The following UFSP2 variants were observed in gnomAD, a reference collection of about 807,000 sequenced individuals.
UFSP2 encodes UFM1 specific peptidase 2, also known as ufm1-specific protease 2.
A neutral mutation model predicts 60.2 loss-of-function variants in UFSP2; 43 were observed. The observed-to-expected ratio is 0.71, with a 90% CI of 0.56 to 0.92. The LOEUF is 0.92. UFSP2 is among the 40% of genes least tolerant of loss of function. The pLI is 0.00. For synonymous variants in UFSP2, 183 were observed against 195.1 expected, an observed-to-expected ratio of 0.94 and a Z score of 0.52; for missense variants, 520 against 575.0, an observed-to-expected ratio of 0.90 and a Z score of 0.98.
chr4:185,407,023 T>C (rs1349346417), intron 9 of UFSP2, among the ~76,000 whole-genome samples: 17 of 149,466 alleles, frequency 1.1e-4, no homozygotes, highest in Admixed American at 4.6e-4. Context: ...TTTTCTTTTT[T>C]TTTTTTTTTT....
chr4:185,400,088 G>T lies in UFSP2; in HGVS notation c.*304C>A. 7.1e-7 allele frequency: 1 copy of T among 1,400,078 alleles called. No individual in the cohort carries two copies. Among genetic ancestry groups the T allele is most frequent in the Non-Finnish European group, 9.9e-7 (1 of 1,007,896 alleles). The allele number at this position is 1,400,078 out of a possible 1,614,324, so 86.7% of individuals were successfully genotyped here. On this transcript the variant is annotated 3_prime_UTR_variant, in exon 12 of 12. Transcript: ENST00000264689. ...GCAAATCTATAAGCTCCTGCTTTTGGCTTTACCATATGTTGTGTCTAATCT... is the reference window on the plus strand; with the variant it reads ...GCAAATCTATAAGCTCCTGCTTTTGTCTTTACCATATGTTGTGTCTAATCT...
At chr4:185,402,540 A>T (rs1352926894) in intron 11 of UFSP2, among the ~76,000 whole-genome samples, 1 of 152,162 alleles carries the variant, frequency 6.6e-6, no homozygotes, top group Admixed American at 6.5e-5. Context: ...CAATGGCGCC[A>T]TCTCAGCTCA....
intron 11 of UFSP2, among the ~76,000 whole-genome samples, chr4:185,401,587 A>C (rs574718294): frequency 6.6e-6 from 1 of 152,314 alleles, no homozygotes; most frequent in South Asian, 2.1e-4. Context: ...GGAAAGCACC[A>C]CAAGAAGGCA....
intron 9 of UFSP2, 135 bp downstream of exon 9, chr4:185,407,800 TA>T (rs1180394644): frequency 5.3e-6 from 5 of 948,978 alleles, no homozygotes; most frequent in African/African-American, 3.4e-5. Flanking sequence ...ATGAGATTTA[TA>T]AAGCAATGAG....
intron 4 of UFSP2, 135 bp from the exon 5 acceptor site, chr4:185,416,002 G>C: frequency 1.6e-6 from 1 of 641,352 alleles, no homozygotes; most frequent in Middle Eastern, 4.4e-4. Flanking sequence ...GTAGTGAAAA[G>C]GGGGAAAGAG....
chr4:185,408,574 A>G (rs924818779), intron 7 of UFSP2, 139 bp from the exon 8 acceptor site: 4 of 874,516 alleles, frequency 4.6e-6, no homozygotes, highest in African/African-American at 1.7e-5. Context: ...TCACAGATCT[A>G]TGGTTTAACA....
rs1402397548 is a variant in UFSP2 at position 185,422,474 on chromosome 4, A to G, written c.82+11T>C. 1.3e-6 allele frequency: 2 copies of G among 1,596,802 alleles called. No individual in the cohort carries two copies. Among genetic ancestry groups the G allele is most frequent in the Non-Finnish European group, 1.7e-6 (2 of 1,173,108 alleles). On this transcript the variant is annotated intron_variant, in intron 2 of 11. Transcript: ENST00000264689. ...ATTTTCTAATAAAAAAGAATTTTTC[A>G]GAAGACCTACCATTAGGAGTAGCTA...
At chr4:185,411,419 T>A (rs755895060) in intron 7 of UFSP2, among the ~76,000 whole-genome samples, 19 of 152,044 alleles carry the variant, frequency 1.2e-4, no homozygotes, top group Non-Finnish European at 2.4e-4. Context: ...TAAACCAGTA[T>A]ATCACTAATA....
chr4:185,415,083 A>C (rs975660219), intron 6 of UFSP2, 72 bp downstream of exon 6: 6 of 1,281,556 alleles, frequency 4.7e-6, no homozygotes, highest in African/African-American at 1.6e-5. Flanking sequence ...CATTTAGTGG[A>C]AATATATAAT....
intron 7 of UFSP2, among the ~76,000 whole-genome samples, chr4:185,411,087 A>G (rs1192991039): frequency 6.6e-6 from 1 of 151,768 alleles, no homozygotes; most frequent in Non-Finnish European, 1.5e-5. Context: ...CAAATACAGA[A>G]GTTATAATAG....
chr4:185,408,227 T>C, intron 8 of UFSP2, 44 bp downstream of exon 8: 4 of 1,596,114 alleles, frequency 2.5e-6, no homozygotes, highest in Non-Finnish European at 3.4e-6. Flanking sequence ...TAAGGGCTAA[T>C]GAAACATACA....
At chr4:185,425,309 T>C (rs2095557530) in intron 1 of UFSP2, among the ~76,000 whole-genome samples, 1 of 152,026 alleles carries the variant, frequency 6.6e-6, no homozygotes, top group African/African-American at 2.4e-5. Flanking sequence ...CTTGCTGAGC[T>C]TGAAATACAT....
intron 8 of UFSP2, 86 bp from the exon 9 acceptor site, chr4:185,408,146 C>A (rs1045644125): frequency 1.3e-6 from 2 of 1,546,388 alleles, no homozygotes; most frequent in Non-Finnish European, 1.8e-6. Flanking sequence ...ATTACCAGTA[C>A]AAGAATTTTT....
intron 10 of UFSP2, among the ~76,000 whole-genome samples, chr4:185,405,053 C>T (rs191476072): frequency 1.0e-3 from 155 of 147,732 alleles, no homozygotes; most frequent in Non-Finnish European, 1.9e-3. Context: ...GTAACCCAGG[C>T]TGGAGAGCAG....
chr4:185,400,386 G>A lies in UFSP2; in HGVS notation c.*6C>T, dbSNP rs775222320. On this transcript the variant is annotated 3_prime_UTR_variant, in exon 12 of 12. Transcript: ENST00000264689. ...ACTCTACTGCAGTCTTTGACTCCAA[G>A]ATATTTTAAATCATATTTGGTCGCT... The A allele has an allele frequency of 3.7e-6, 6 of 1,606,866 alleles. No individual in the cohort carries two copies. Among genetic ancestry groups the A allele is most frequent in the South Asian group, 1.1e-5 (1 of 90,212 alleles).
Position 185,403,521 on chromosome 4 carries a change from A to G in UFSP2, c.1296T>C (p.Ala432=), listed in dbSNP as rs61730755. ...FLILDPHYTG[A]EDLQVILEKG... ...TTTCCAAAATAACTTGCAGGTCTTC[A>G]GCACCGGTATAATGTGGATCTAGAA... Residue 432 remains alanine (A), a synonymous_variant, in exon 11 of 12, where the codon GCT becomes GCC. Transcript: ENST00000264689. The G allele has an allele frequency of 1.5e-3, 2,442 of 1,613,996 alleles. 33 individuals are homozygous for G. The African/African-American group carries it at 0.029, about 19-fold the overall frequency.
At position 185,400,490 on chromosome 4, in the gene UFSP2, A is replaced by AGAC. The variant is rs781063894; in HGVS notation, c.1324-15_1324-13dup. 1 of 1,599,942 alleles carries AGAC rather than the reference A, an allele frequency of 6.3e-7. No individual in the cohort carries two copies. The highest frequency in any genetic ancestry group is 1.1e-5 in the South Asian group (1 of 89,404). On this transcript the variant is annotated splice_polypyrimidine_tract_variant and intron_variant, in intron 11 of 11. Coordinates refer to ENST00000264689, the MANE Select transcript of UFSP2 (RefSeq NM_018359.5). ...CATCCGCACCAGCCCTGGATAGAGA[A>AGAC]GACGGGAAAGGAAAGCCTTTTACAA... is the stretch of plus-strand genomic sequence containing the variant.
chr4:185,419,781 T>C (rs2095546104), intron 2 of UFSP2, among the ~76,000 whole-genome samples: 1 of 152,262 alleles, frequency 6.6e-6, no homozygotes, highest in South Asian at 2.1e-4. Flanking sequence ...TAATATTCCA[T>C]TGTGTGGATA....
At position 185,408,053 on chromosome 4, in the gene UFSP2, A is replaced by G; in HGVS notation, c.1004T>C (p.Val335Ala). 6.2e-7 allele frequency: 1 copy of G among 1,613,846 alleles called. No homozygotes were observed. Among genetic ancestry groups the G allele is most frequent in the Non-Finnish European group, 8.5e-7 (1 of 1,179,730 alleles). Reference sequence around the variant, plus strand: ...TGTTGCTGGTTTGTCCCCGGCATCGACTAGAGCCTTGATGTATTTAAAAAT... The same window carrying G: ...TGTTGCTGGTTTGTCCCCGGCATCGGCTAGAGCCTTGATGTATTTAAAAAT... ...PTHREIQQAL[V>A]DAGDKPATFV... The change falls in exon 9 of 12, where the codon GTC (valine) becomes GCC (alanine). Residue 335 changes from valine (V) to alanine (A), a missense_variant. Val to Ala is a moderately conservative substitution (Grantham distance 64). Coordinates refer to ENST00000264689, the MANE Select transcript of UFSP2 (RefSeq NM_018359.5).
Sources: allele counts gnomAD v4.1 joint callset (sites outside exome capture counted in the v4.1 genomes callset), GRCh38; gene constraint gnomAD v4.1.1; transcripts MANE v1.5; gene names NCBI Gene and HGNC (gene_info 2026-07-23, HGNC 2026-07-21).